Variants in ROCK2 observed in about 807,000 individuals in gnomAD.
ROCK2 encodes the protein rho-associated protein kinase 2.
ROCK2 carries 61 observed loss-of-function variants against 195.1 expected under a neutral mutation model. The observed-to-expected ratio is 0.31, with a 90% CI of 0.25 to 0.39. The LOEUF is 0.39. ROCK2 is among the 10% of genes least tolerant of loss of function. The pLI is 1.00. For synonymous variants in ROCK2, 504 were observed against 545.5 expected, an observed-to-expected ratio of 0.92 and a Z score of 1.06; for missense variants, 1,109 against 1,637.4, an observed-to-expected ratio of 0.68 and a Z score of 5.57.
At position 11,197,393 on chromosome 2, in the gene ROCK2, C is replaced by T. The variant is rs376005791; in HGVS notation, c.3280-45G>A. On this transcript the variant is annotated intron_variant, in intron 26 of 32. Transcript: ENST00000315872. The surrounding 1 kb of genome is among the most constrained non-coding windows in gnomAD (Gnocchi z 4.9). ...AATAAGTTAATTGGATGCAACATAA[C>T]TCAACATTTTGCTTCTTGGTTCAAT... 3 of 1,573,822 alleles carry T rather than the reference C, an allele frequency of 1.9e-6. No individual in the cohort carries two copies. The highest frequency in any genetic ancestry group is 4.5e-5 in the East Asian group (2 of 44,558).
At chr2:11,277,783 A>G (rs531416806) in intron 3 of ROCK2, among the ~76,000 whole-genome samples, 4 of 152,302 alleles carry the variant, frequency 2.6e-5, no homozygotes, top group African/African-American at 9.6e-5. Context: ...TGGTGCTGCT[A>G]TAAACGTGTG....
chr2:11,291,125 GA>G (rs1339869316), intron 1 of ROCK2, among the ~76,000 whole-genome samples: 6 of 152,110 alleles, frequency 3.9e-5, no homozygotes, highest in Admixed American at 3.9e-4. Flanking sequence ...TATTATGAGG[GA>G]AAAAATACAT....
chr2:11,306,840 C>T (rs1667873040), intron 1 of ROCK2, among the ~76,000 whole-genome samples: 1 of 152,116 alleles, frequency 6.6e-6, no homozygotes, highest in South Asian at 2.1e-4. Flanking sequence ...AAGAAAATAC[C>T]TACCAACACC....
At chr2:11,183,811 T>C (rs938909302) in intron 32 of ROCK2, among the ~76,000 whole-genome samples, 1 of 152,202 alleles carries the variant, frequency 6.6e-6, no homozygotes, top group African/African-American at 2.4e-5. Context: ...AATGGGCCTA[T>C]TGATCAGGTT....
chr2:11,251,740 G>C (rs1158534414), intron 3 of ROCK2, among the ~76,000 whole-genome samples: 2 of 151,334 alleles, frequency 1.3e-5, no homozygotes, highest in Non-Finnish European at 2.9e-5. Flanking sequence ...TACAGAATGG[G>C]AGAAAATTTT....
At chr2:11,329,147 T>C (rs1201574227) in intron 1 of ROCK2, among the ~76,000 whole-genome samples, 3 of 152,072 alleles carry the variant, frequency 2.0e-5, no homozygotes, top group African/African-American at 7.2e-5. Flanking sequence ...TTTTCCTTCA[T>C]TTTTTGCCCA....
intron 1 of ROCK2, among the ~76,000 whole-genome samples, chr2:11,335,776 T>A (rs933046423): frequency 6.6e-6 from 1 of 152,154 alleles, no homozygotes; most frequent in African/African-American, 2.4e-5. Context: ...ATACTTTCCA[T>A]CAGAATTCCA....
intron 1 of ROCK2, among the ~76,000 whole-genome samples, chr2:11,326,389 T>C (rs1239540829): frequency 6.6e-6 from 1 of 152,186 alleles, no homozygotes; most frequent in Non-Finnish European, 1.5e-5. Context: ...TATAAGATTA[T>C]GGTTTTAGCA....
At chr2:11,248,782 A>G (rs1278032068) in intron 4 of ROCK2, among the ~76,000 whole-genome samples, 2 of 150,984 alleles carry the variant, frequency 1.3e-5, no homozygotes, top group Admixed American at 6.6e-5. Flanking sequence ...CTTAACCCAC[A>G]GTCAAATAAA....
At position 11,211,722 on chromosome 2, in the gene ROCK2, A is replaced by G; in HGVS notation, c.2162T>C (p.Ile721Thr). Reference sequence around the variant, plus strand: ...TTTGGCTTCTTCGATGGACTCATAGATCTTATTTTTATCTGCTAGTCGTGC... The same window carrying G: ...TTTGGCTTCTTCGATGGACTCATAGGTCTTATTTTTATCTGCTAGTCGTGC... ...TKARLADKNKIYESIEEAKSE... is the reference protein window; with the variant it reads ...TKARLADKNKTYESIEEAKSE... The change falls in exon 18 of 33, where the codon ATC becomes ACC. Residue 721 changes from isoleucine to threonine, a missense_variant. Coordinates refer to ENST00000315872, the MANE Select transcript of ROCK2 (RefSeq NM_004850.5). 1 of 1,613,122 alleles carries G rather than the reference A, an allele frequency of 6.2e-7. No homozygotes were observed. Among genetic ancestry groups the G allele is most frequent in the Non-Finnish European group, 8.5e-7 (1 of 1,179,576 alleles).
intron 7 of ROCK2, 32 bp from the exon 8 acceptor site, chr2:11,222,206 A>T: frequency 8.1e-7 from 1 of 1,236,330 alleles, no homozygotes; most frequent in Non-Finnish European, 1.2e-6. Context: ...TGTATTATTT[A>T]AAAATTATAA....
chr2:11,192,192 C>T lies in ROCK2; in HGVS notation c.4119G>A (p.Gln1373=), dbSNP rs763583939. 1 of 1,612,668 alleles carries T rather than the reference C, an allele frequency of 6.2e-7. No individual in the cohort carries two copies. Among genetic ancestry groups the T allele is most frequent in the East Asian group, 2.2e-5 (1 of 44,818 alleles). Residue 1373 remains glutamine (Q), a synonymous_variant, in exon 32 of 33, where the codon CAG becomes CAA. Transcript: ENST00000315872. The surrounding 1 kb of genome is among the most constrained non-coding windows in gnomAD (Gnocchi z 5.0). ...PRTSMKIQQN[Q]SIRRPSRQLA... ...GCTGTCGACTTGGCCGTCTAATAGA[C>T]TGGTTTTGCTGTATCTTCATTGAAG...
intron 20 of ROCK2, among the ~76,000 whole-genome samples, chr2:11,202,553 A>G (rs1663897918): frequency 6.6e-6 from 1 of 151,888 alleles, no homozygotes; most frequent in Admixed American, 6.6e-5. Context: ...GCTGGAGTGC[A>G]GTGGTGCGAT....
chr2:11,287,732 C>G lies in ROCK2; in HGVS notation c.146G>C (p.Gly49Ala), dbSNP rs1667242850. The G allele has an allele frequency of 1.6e-6, 2 of 1,283,054 alleles. No homozygotes were observed. Among genetic ancestry groups the G allele is most frequent in the Non-Finnish European group, 2.1e-6 (2 of 957,258 alleles). 79.5% of individuals were successfully genotyped at this position (1,283,054 alleles called of 1,614,324 possible). The change falls in exon 2 of 33, where the codon GGC becomes GCC. Residue 49 changes from glycine to alanine, a missense_variant. By Grantham distance (60) the Gly-to-Ala change is moderately conservative. Coordinates refer to ENST00000315872, the MANE Select transcript of ROCK2 (RefSeq NM_004850.5). Reference sequence around the variant, plus strand: ...TAAATCAAGGACCAAGGAATTTAAGCCATCCTGTTAAGAAATAAAAAGAGG... The same window carrying G: ...TAAATCAAGGACCAAGGAATTTAAGGCATCCTGTTAAGAAATAAAAAGAGG... ...SPINVESLLD[G>A]LNSLVLDLDF... is the part of the protein sequence containing the mutation.
chr2:11,188,871 G>T (rs1663306733), intron 32 of ROCK2, among the ~76,000 whole-genome samples: 1 of 151,904 alleles, frequency 6.6e-6, no homozygotes, highest in African/African-American at 2.4e-5. Context: ...TGATCCACCT[G>T]CCTCGGCCTC....
intron 1 of ROCK2, among the ~76,000 whole-genome samples, chr2:11,325,080 T>C (rs1329253229): frequency 6.6e-6 from 1 of 152,208 alleles, no homozygotes; most frequent in Non-Finnish European, 1.5e-5. Context: ...AACACAGAAA[T>C]AGATCAGTTT....
rs1553317366 is a variant in ROCK2, at chr2:11,317,585, T to TATATATATAC, written c.141+26410_141+26411insGTATATATAT. 2.0e-3 allele frequency among the ~76,000 whole-genome samples: 23 copies of TATATATATAC among 11,620 alleles called. 1 individual carries two copies. Among genetic ancestry groups the TATATATATAC allele is most frequent in the African/African-American group, 6.9e-3 (23 of 3,320 alleles). 7.6% of individuals were successfully genotyped at this position (11,620 alleles called of 152,430 possible). ...GCCCTGATCTACACATTTATATATATATATATATATATATATATATATATA... is the reference window on the plus strand; with the variant it reads ...GCCCTGATCTACACATTTATATATATATATATATACATATATATATATATATATATATATA... On this transcript the variant is annotated intron_variant, in intron 1 of 32. Coordinates refer to ENST00000315872, the MANE Select transcript of ROCK2 (RefSeq NM_004850.5).
chr2:11,317,613 T>TATATATA (rs1553317465), intron 1 of ROCK2, among the ~76,000 whole-genome samples: 593 of 20,138 alleles, frequency 0.029, 13 homozygotes, highest in Middle Eastern at 0.056. Flanking sequence ...TATATATATA[T>TATATATA]TTTTTTTTTT....
intron 7 of ROCK2, 42 bp downstream of exon 7, chr2:11,224,280 A>G (rs1401912005): frequency 9.8e-6 from 15 of 1,531,886 alleles, no homozygotes; most frequent in African/African-American, 2.8e-5. Flanking sequence ...CTATAAATTT[A>G]ACATAAAGGG....
Sources: allele counts gnomAD v4.1 joint callset (sites outside exome capture counted in the v4.1 genomes callset), GRCh38; gene constraint gnomAD v4.1.1; non-coding constraint Gnocchi (gnomAD v3.1); transcripts MANE v1.5; gene names NCBI Gene and HGNC (gene_info 2026-07-23, HGNC 2026-07-21).